KIF27: variants seen among roughly 807,000 people sequenced by gnomAD.
KIF27 encodes kinesin-like protein KIF27.
KIF27 carries 84 observed loss-of-function variants against 141.8 expected under a neutral mutation model. That is an observed-to-expected ratio of 0.59 (90% confidence interval 0.50 to 0.71). The LOEUF is 0.71. Among genes scored for constraint, KIF27 ranks in the 30% least tolerant of loss-of-function variants. KIF27 has a pLI of 0.00. For synonymous variants in KIF27, 471 were observed against 569.5 expected (o/e 0.83, Z 2.46); for missense variants, 1,306 against 1,628.4 (o/e 0.80, Z 3.41).
At chr9:83,850,764 C>G (rs1333137969) in intron 15 of KIF27, among the ~76,000 whole-genome samples, 1 of 139,650 alleles carries the variant, frequency 7.2e-6, no homozygotes, top group Non-Finnish European at 1.5e-5. Flanking sequence ...AGCCTGGGTG[C>G]AAGAGCAAAA....
intron 14 of KIF27, among the ~76,000 whole-genome samples, chr9:83,855,682 A>C (rs1483578822): frequency 6.6e-6 from 1 of 152,184 alleles, no homozygotes; most frequent in Non-Finnish European, 1.5e-5. Flanking sequence ...AAACAGTGTA[A>C]TTTGAGGACC....
At chr9:83,875,679 G>A (rs7869387) in intron 11 of KIF27, among the ~76,000 whole-genome samples, 102,314 of 151,852 alleles carry the variant, frequency 0.67, 35,240 homozygotes, top group African/African-American at 0.8. Context: ...AAACAAGGAA[G>A]GTATAACGTC....
Position 83,891,514 on chromosome 9 carries a change from G to C in KIF27, c.1603-13C>G. On this transcript the variant is annotated splice_polypyrimidine_tract_variant and intron_variant, in intron 5 of 17. Coordinates refer to ENST00000297814, the MANE Select transcript of KIF27 (RefSeq NM_017576.4). ...TTATTTTTTCATTCTTTGTAGAAGA[G>C]AGATGAAAATTTTTAATATAGAGCA... 2 of 1,594,930 alleles carry C rather than the reference G, an allele frequency of 1.3e-6. No individual in the cohort carries two copies. Among genetic ancestry groups the C allele is most frequent in the Non-Finnish European group, 1.7e-6 (2 of 1,169,002 alleles).
chr9:83,912,792 C>CT (rs1274178903), intron 2 of KIF27, among the ~76,000 whole-genome samples: 1 of 152,028 alleles, frequency 6.6e-6, no homozygotes, highest in East Asian at 1.9e-4. Flanking sequence ...TTGGAAAAGG[C>CT]TATACCTTGT....
At chr9:83,914,683 A>T (rs1001230330) in intron 2 of KIF27, among the ~76,000 whole-genome samples, 19 of 152,160 alleles carry the variant, frequency 1.2e-4, no homozygotes, top group Admixed American at 2.6e-4. Context: ...GAAAAATATA[A>T]ATACAGTAAA....
chr9:83,853,045 G>C (rs905524682), intron 15 of KIF27, among the ~76,000 whole-genome samples: 1 of 152,296 alleles, frequency 6.6e-6, no homozygotes. Context: ...AAAGACATTA[G>C]AGAAAAGACA....
At chr9:83,842,852 T>C (rs1226416330) in intron 16 of KIF27, among the ~76,000 whole-genome samples, 1 of 152,172 alleles carries the variant, frequency 6.6e-6, no homozygotes, top group East Asian at 1.9e-4. Context: ...ATGGGTTTGT[T>C]TTCAGCTACC....
In KIF27 at chr9:83,835,226, A is replaced by T. The variant is rs1587822079; in HGVS notation, c.*1775T>A. Among the ~76,000 whole-genome samples, 3 of 150,710 alleles carry T rather than the reference A, an allele frequency of 2.0e-5. No homozygotes were observed. The highest frequency in any genetic ancestry group is 4.4e-5 in the Non-Finnish European group (3 of 67,666). ...TGGCAAAAGGTCAGTGCATTTATAC[A>T]TATTTATAATGTGTATGTTTTACCT... On this transcript the variant is annotated 3_prime_UTR_variant, in exon 18 of 18. Coordinates refer to ENST00000297814, the MANE Select transcript of KIF27 (RefSeq NM_017576.4).
intron 13 of KIF27, among the ~76,000 whole-genome samples, chr9:83,862,424 A>G (rs1296297599): frequency 6.6e-6 from 1 of 152,090 alleles, no homozygotes; most frequent in Non-Finnish European, 1.5e-5. Context: ...ACCATTTGTT[A>G]AAGAGGGAAT....
chr9:83,871,337 G>T (rs961305556), intron 11 of KIF27, among the ~76,000 whole-genome samples: 2 of 152,102 alleles, frequency 1.3e-5, no homozygotes, highest in African/African-American at 4.8e-5. Context: ...AAGAAGAAAG[G>T]AATGTTAGCT....
rs758276554 is a variant in KIF27, at chr9:83,899,750, C to T, written c.1513G>A (p.Glu505Lys). ...ATCATCTGCACTTGATTCTTCAGTT[C>T]CTTCACCTCCAGTTCCTTCTGATTA... ...VFNQKELEVK[E>K]LKNQVQMMVQ... Residue 505 changes from glutamate to lysine, a missense_variant, in exon 5 of 18, where the codon GAA becomes AAA. This residue lies in a region of KIF27 where 29 missense variants were observed against 60.3 expected (regional missense o/e 0.48). Transcript: ENST00000297814. 1 of 1,613,554 alleles carries T rather than the reference C, an allele frequency of 6.2e-7. No homozygotes were observed. Among genetic ancestry groups the T allele is most frequent in the South Asian group, 1.1e-5 (1 of 91,062 alleles).
chr9:83,897,097 AAAGT>A (rs1263592782), intron 5 of KIF27, among the ~76,000 whole-genome samples: 13 of 152,162 alleles, frequency 8.5e-5, no homozygotes, highest in Non-Finnish European at 1.5e-5. Context: ...ATATCTCAAT[AAAGT>A]AATTATTTTA....
intron 14 of KIF27, among the ~76,000 whole-genome samples, chr9:83,857,966 G>GTTTT (rs373203891): frequency 1.6e-5 from 2 of 123,350 alleles, no homozygotes; most frequent in Non-Finnish European, 3.4e-5. Context: ...AATACTTTGG[G>GTTTT]TTTTTTTTTT....
At chr9:83,900,102 T>C (rs1361515475) in intron 4 of KIF27, among the ~76,000 whole-genome samples, 2 of 152,192 alleles carry the variant, frequency 1.3e-5, no homozygotes, top group Non-Finnish European at 2.9e-5. Context: ...TTTTACAAGT[T>C]TGCTAGAACT....
chr9:83,909,906 T>C (rs397835007), intron 2 of KIF27, among the ~76,000 whole-genome samples: 1 of 151,836 alleles, frequency 6.6e-6, no homozygotes, highest in Admixed American at 6.6e-5. Context: ...CTACAAAAAA[T>C]ACAAAAAATT....
At chr9:83,845,248 G>A (rs995213441) in intron 16 of KIF27, among the ~76,000 whole-genome samples, 2 of 152,154 alleles carry the variant, frequency 1.3e-5, no homozygotes, top group South Asian at 2.1e-4. Flanking sequence ...GGGCTTTGGT[G>A]GAAACTGAAC....
intron 3 of KIF27, among the ~76,000 whole-genome samples, 191 bp downstream of exon 3, chr9:83,908,261 C>CAAA (rs769794962): frequency 8.1e-5 from 6 of 74,194 alleles, no homozygotes; most frequent in Admixed American, 1.6e-4. Context: ...AACTCCATCT[C>CAAA]AAAAAAAAAA....
At chr9:83,844,519 C>T (rs1947007826) in intron 16 of KIF27, among the ~76,000 whole-genome samples, 1 of 151,888 alleles carries the variant, frequency 6.6e-6, no homozygotes, top group African/African-American at 2.4e-5. Flanking sequence ...TGATTAGACC[C>T]AAAAATGCTA....
intron 2 of KIF27, 134 bp from the exon 3 acceptor site, chr9:83,908,786 G>T: frequency 2.3e-6 from 1 of 443,638 alleles, no homozygotes; most frequent in Non-Finnish European, 3.8e-6. Context: ...GGGGGACGGA[G>T]TCTTGCTCTG....
Sources: gnomAD v4.1 joint callset for allele counts (sites outside exome capture counted in the v4.1 genomes callset) on GRCh38, gnomAD v4.1.1 for gene constraint, gnomAD v4.1.1 regional missense constraint, MANE v1.5 for transcripts, NCBI Gene and HGNC (gene_info 2026-07-23, HGNC 2026-07-21) for gene names.